The following SMARCC2 variants were observed in gnomAD, a reference collection of about 807,000 sequenced individuals.
SMARCC2 encodes the protein SWI/SNF complex subunit SMARCC2.
Under a neutral mutation model 151.3 loss-of-function variants are expected in SMARCC2, and 15 were observed. That is an observed-to-expected ratio of 0.10 (90% CI 0.07 to 0.15). The LOEUF (loss-of-function observed/expected upper bound fraction) is 0.15. SMARCC2 is among the 10% of genes least tolerant of loss of function. The probability of loss-of-function intolerance (pLI) is 1.00; values close to 1 mark genes in which losing one functional copy is unlikely to be tolerated. For synonymous variants in SMARCC2, 590 were observed against 609.5 expected (o/e 0.97, Z 0.47); for missense variants, 1,031 against 1,599.7 (o/e 0.64, Z 6.06).
In SMARCC2 at chr12:56,171,804, A is replaced by G. The variant is rs979407213; in HGVS notation, c.2060T>C (p.Leu687Pro). Residue 687 changes from leucine to proline, a missense_variant, in exon 21 of 29, where the codon CTA becomes CCA. Leu to Pro is a moderately conservative substitution (Grantham distance 98). Around this residue, in one of 12 missense-constraint regions of SMARCC2, gnomAD observed 51 missense variants for 137.9 expected, o/e 0.37. Coordinates refer to ENST00000550164, the MANE Select transcript of SMARCC2 (RefSeq NM_001330288.2). This position sits in a 1 kb window ranked among gnomAD's most constrained non-coding sequence, Gnocchi z 4.2. ...DPYLEDSEASLGPLAYQPIPF... is the reference protein window; with the variant it reads ...DPYLEDSEASPGPLAYQPIPF... Reference sequence around the variant, plus strand: ...GATGGGTTGGTAGGCCAGGGGGCCTAGGGAGGCCTCTGAGTCCTCCAGGTA... The same window carrying G: ...GATGGGTTGGTAGGCCAGGGGGCCTGGGGAGGCCTCTGAGTCCTCCAGGTA... The G allele has an allele frequency of 1.2e-6, 2 of 1,613,802 alleles. No individual in the cohort carries two copies. Among genetic ancestry groups the G allele is most frequent in the Non-Finnish European group, 8.5e-7 (1 of 1,179,814 alleles).
At chr12:56,164,794 T>C in intron 27 of SMARCC2, 63 bp from the exon 28 acceptor site, 1 of 1,356,236 alleles carries the variant, frequency 7.4e-7, no homozygotes, top group Non-Finnish European at 1.0e-6. Flanking sequence ...AACTCACCTT[T>C]TCTATTTTTT....
In SMARCC2 at chr12:56,164,430, C is replaced by T. The variant is rs374996660; in HGVS notation, c.3534G>A (p.Leu1178=). 180 of 1,613,886 alleles carry T rather than the reference C, an allele frequency of 1.1e-4. No homozygotes were observed. Among genetic ancestry groups the T allele is most frequent in the Non-Finnish European group, 1.4e-4 (170 of 1,180,030 alleles). The change falls in exon 28 of 29, where the codon CTG becomes CTA. Residue 1178 remains leucine, a synonymous_variant. Transcript: ENST00000550164. ...AAGATGGCATGGTGGTGGTCGCCGG[C>T]AGGTTAGGATGTAGAGGGTTCGCCA... is the stretch of plus-strand genomic sequence containing the variant. The part of the protein sequence containing the change: ...VSMANPLHPN[L]PATTTMPSSL...
Position 56,175,502 on chromosome 12 carries a change from G to A in SMARCC2, c.1383-738C>T, listed in dbSNP as rs369794371. 2.5e-4 allele frequency among the ~76,000 whole-genome samples: 38 copies of A among 152,216 alleles called. No individual in the cohort carries two copies. The South Asian group carries it at 3.3e-3, about 13-fold the overall frequency. Reference sequence around the variant, plus strand: ...CATGAGGACCTTGGCAATTTACTTCGAATTTTTAAACCTCAGTTTCCTCAT... The same window carrying A: ...CATGAGGACCTTGGCAATTTACTTCAAATTTTTAAACCTCAGTTTCCTCAT... On this transcript the variant is annotated intron_variant, in intron 15 of 28. Coordinates refer to ENST00000550164, the MANE Select transcript of SMARCC2 (RefSeq NM_001330288.2).
rs772224139 is a variant in SMARCC2, at chr12:56,182,059, G to A, written c.653C>T (p.Ala218Val). 8.7e-6 allele frequency: 14 copies of A among 1,612,504 alleles called. No individual in the cohort carries two copies. Among genetic ancestry groups the A allele is most frequent in the African/African-American group, 5.3e-5 (4 of 74,828 alleles). Reference protein sequence around the residue: ...YPDSYDTWIPASEIEASVEDA... With the variant: ...YPDSYDTWIPVSEIEASVEDA... Reference sequence around the variant, plus strand: ...TTCCACAGATGCCTCAATTTCACTCGCTGGGATCCACGTGTCGTAACTGCC... The same window carrying A: ...TTCCACAGATGCCTCAATTTCACTCACTGGGATCCACGTGTCGTAACTGCC... The change falls in exon 8 of 29, where the codon GCG (alanine) becomes GTG (valine). Residue 218 changes from alanine to valine, a missense_variant. Around this residue, in one of 12 missense-constraint regions of SMARCC2, gnomAD observed 123 missense variants for 190.4 expected, o/e 0.65. Coordinates refer to ENST00000550164, the MANE Select transcript of SMARCC2 (RefSeq NM_001330288.2).
At position 56,164,517 on chromosome 12, in the gene SMARCC2, C is replaced by T. The variant is rs1872412403; in HGVS notation, c.3447G>A (p.Gly1149=). 6.2e-7 allele frequency: 1 copy of T among 1,614,112 alleles called. No individual in the cohort carries two copies. Among genetic ancestry groups the T allele is most frequent in the African/African-American group, 1.3e-5 (1 of 75,026 alleles). The part of the protein sequence containing the change: ...INLPAPPNLH[G]HHHHLPFAPG... ...GGGCGAACGGGAGATGGTGGTGATG[C>T]CCATGCAGGTTAGGAGGAGCGGGGA... The change falls in exon 28 of 29, where the codon GGG becomes GGA. Residue 1149 remains glycine (G), a synonymous_variant. Coordinates refer to ENST00000550164, the MANE Select transcript of SMARCC2 (RefSeq NM_001330288.2).
chr12:56,173,902 G>A (rs544234955), intron 16 of SMARCC2, 53 bp from the exon 17 acceptor site: 38 of 1,533,672 alleles, frequency 2.5e-5, no homozygotes, highest in African/African-American at 1.8e-4. Context: ...AAAGGTGCAC[G>A]AGGAAGAGGA....
chr12:56,183,831 C>T, intron 7 of SMARCC2, 30 bp downstream of exon 7: 1 of 1,574,566 alleles, frequency 6.4e-7, no homozygotes, highest in Non-Finnish European at 8.7e-7. Flanking sequence ...GGCTCTTATA[C>T]TTAAACCTGC....
chr12:56,170,201 G>C lies in SMARCC2; in HGVS notation c.2355C>G (p.Ser785Arg). Residue 785 changes from serine (S) to arginine (R), a missense_variant, in exon 23 of 29, where the codon AGC becomes AGG. Physicochemically the swap from Ser to Arg is moderately radical, Grantham distance 110. Around this residue, in one of 12 missense-constraint regions of SMARCC2, gnomAD observed 119 missense variants for 184.2 expected, o/e 0.65. Coordinates refer to ENST00000550164, the MANE Select transcript of SMARCC2 (RefSeq NM_001330288.2). ...TSDEPERIEE[S>R]GNDEARVEGQ... Reference sequence around the variant, plus strand: ...CTTCCACCCGAGCCTCGTCATTCCCGCTCTCCTCTGGGCCCATGAGAAAAG... The same window carrying C: ...CTTCCACCCGAGCCTCGTCATTCCCCCTCTCCTCTGGGCCCATGAGAAAAG... 6.2e-7 allele frequency: 1 copy of C among 1,613,088 alleles called. No individual in the cohort carries two copies. Among genetic ancestry groups the C allele is most frequent in the Admixed American group, 1.7e-5 (1 of 60,000 alleles).
intron 20 of SMARCC2, 166 bp from the exon 21 acceptor site, chr12:56,172,103 A>G: frequency 1.6e-6 from 1 of 619,528 alleles, no homozygotes; most frequent in Non-Finnish European, 2.8e-6. Context: ...AAGAAAGGAT[A>G]TGAAGTTAAT....
In SMARCC2 at chr12:56,178,436, A is replaced by G. The variant is rs997101461; in HGVS notation, c.1278T>C (p.Ile426=). 6 of 1,614,108 alleles carry G rather than the reference A, an allele frequency of 3.7e-6. No homozygotes were observed. The African/African-American group carries it at 5.3e-5, about 14-fold the overall frequency. Residue 426 remains isoleucine, a synonymous_variant, in exon 14 of 29, where the codon ATT becomes ATC. Coordinates refer to ENST00000550164, the MANE Select transcript of SMARCC2 (RefSeq NM_001330288.2). ...NVTEQTHHII[I]PSYAAWFDYN... ...AGTCAAACCAGGCAGCGTAGCTGGGAATGATGATGTGGTGGGTCTGTTCAG... is the reference window on the plus strand; with the variant it reads ...AGTCAAACCAGGCAGCGTAGCTGGGGATGATGATGTGGTGGGTCTGTTCAG...
chr12:56,184,148 A>C, intron 6 of SMARCC2, 27 bp downstream of exon 6: 3 of 1,557,070 alleles, frequency 1.9e-6, no homozygotes, highest in Non-Finnish European at 2.7e-6. Flanking sequence ...CCATCCACTC[A>C]AGTGGACAGG....
At chr12:56,182,102 C>T (rs1876330269) in intron 7 of SMARCC2, 23 bp from the exon 8 acceptor site, 2 of 1,550,364 alleles carry the variant, frequency 1.3e-6, no homozygotes, top group South Asian at 1.1e-5. Flanking sequence ...ATTGAGCACA[C>T]AGTAGAATCA....
intron 26 of SMARCC2, among the ~76,000 whole-genome samples, chr12:56,167,301 T>G (rs1366914459): frequency 6.6e-6 from 1 of 152,094 alleles, no homozygotes; most frequent in Admixed American, 6.5e-5. Context: ...TGAGCGAAGA[T>G]CACACCATTG....
At chr12:56,182,321 ATTT>A (rs763722796) in intron 7 of SMARCC2, among the ~76,000 whole-genome samples, 1 of 143,592 alleles carries the variant, frequency 7.0e-6, no homozygotes. Context: ...CTCCACAGTA[ATTT>A]TTTTTTTTTT....
At position 56,171,998 on chromosome 12, in the gene SMARCC2, C is replaced by G; in HGVS notation, c.1927-61G>C. ...TAGCCACTTTTCTCGAAGGCTGACTCCCCCCATCCTACTAAGGGCAGCTGG... is the reference window on the plus strand; with the variant it reads ...TAGCCACTTTTCTCGAAGGCTGACTGCCCCCATCCTACTAAGGGCAGCTGG... On this transcript the variant is annotated intron_variant, in intron 20 of 28. Coordinates refer to ENST00000550164, the MANE Select transcript of SMARCC2 (RefSeq NM_001330288.2). The surrounding 1 kb of genome is among the most constrained non-coding windows in gnomAD (Gnocchi z 4.2). 3 of 1,493,494 alleles carry G rather than the reference C, an allele frequency of 2.0e-6. No homozygotes were observed. The highest frequency in any genetic ancestry group is 1.8e-6 in the Non-Finnish European group (2 of 1,101,378). The allele number at this position is 1,493,494 out of a possible 1,614,324, so 92.5% of individuals were successfully genotyped here. A position where few individuals can be genotyped will look rare whatever the true frequency, so the allele number is the denominator to read the frequency against.
Position 56,171,121 on chromosome 12 carries a change from T to C in SMARCC2, c.2347+150A>G, listed in dbSNP as rs1436180720. ...AGGACTAGTAGGGCTCCAGAGCCCCTGAGGTAAACTCATGGGGAAAATAAA... is the reference window on the plus strand; with the variant it reads ...AGGACTAGTAGGGCTCCAGAGCCCCCGAGGTAAACTCATGGGGAAAATAAA... On this transcript the variant is annotated intron_variant, in intron 22 of 28. Transcript: ENST00000550164. The surrounding 1 kb of genome is among the most constrained non-coding windows in gnomAD (Gnocchi z 4.2). The C allele has an allele frequency of 7.4e-5, 53 of 719,546 alleles. No individual in the cohort carries two copies. Among genetic ancestry groups the C allele is most frequent in the Non-Finnish European group, 6.8e-6 (3 of 441,630 alleles). The allele number at this position is 719,546 out of a possible 1,614,324, so 44.6% of individuals were successfully genotyped here. A position where few individuals can be genotyped will look rare whatever the true frequency, so the allele number is the denominator to read the frequency against.
intron 18 of SMARCC2, 63 bp downstream of exon 18, chr12:56,172,874 C>A: frequency 6.3e-7 from 1 of 1,590,698 alleles, no homozygotes; most frequent in Non-Finnish European, 8.6e-7. Context: ...CTCTTCTTCC[C>A]GGGCAGGGGC....
chr12:56,177,434 TG>T (rs1343081948), intron 15 of SMARCC2, among the ~76,000 whole-genome samples: 1 of 152,066 alleles, frequency 6.6e-6, no homozygotes. Flanking sequence ...TCTTTAGAGA[TG>T]GGAGTCTTGC....
chr12:56,169,733 C>T, intron 24 of SMARCC2, 38 bp from the exon 25 acceptor site: 2 of 1,613,988 alleles, frequency 1.2e-6, no homozygotes, highest in Non-Finnish European at 1.7e-6. Context: ...CCCACAGCTT[C>T]ACCTCTGTCC....
Sources: allele counts gnomAD v4.1 joint callset (sites outside exome capture counted in the v4.1 genomes callset), GRCh38; gene constraint gnomAD v4.1.1; regional missense constraint gnomAD v4.1.1; non-coding constraint Gnocchi (gnomAD v3.1); transcripts MANE v1.5; gene names NCBI Gene and HGNC (gene_info 2026-07-23, HGNC 2026-07-21).